ATP8A1: variants seen among roughly 807,000 people sequenced by gnomAD.
The protein encoded by ATP8A1 is ATPase phospholipid transporting 8A1.
Under a neutral mutation model 177.7 loss-of-function variants are expected in ATP8A1, and 90 were observed. That is an observed-to-expected ratio of 0.51 (90% confidence interval 0.43 to 0.60). The LOEUF (loss-of-function observed/expected upper bound fraction) is 0.60, where lower values mean the gene tolerates loss of function less well. Ranked by LOEUF, ATP8A1 falls within the 20% of genes least tolerant of loss-of-function variation. The pLI is 0.00. For missense variants in ATP8A1, 1,072 were observed against 1,392.8 expected, an observed-to-expected ratio of 0.77 and a Z score of 3.67; for synonymous variants, 493 against 485.9, an observed-to-expected ratio of 1.01 and a Z score of -0.19.
At chr4:42,633,792 G>A (rs1292710083) in intron 1 of ATP8A1, among the ~76,000 whole-genome samples, 1 of 146,572 alleles carries the variant, frequency 6.8e-6, no homozygotes, top group Non-Finnish European at 1.5e-5. Flanking sequence ...TGCTAGTGAT[G>A]CTACTATAGC....
intron 24 of ATP8A1, among the ~76,000 whole-genome samples, chr4:42,489,573 G>C (rs1276966757): frequency 6.6e-6 from 1 of 151,950 alleles, no homozygotes; most frequent in Non-Finnish European, 1.5e-5. Context: ...AACAAAAAAA[G>C]CTGCAAACAT....
intron 25 of ATP8A1, among the ~76,000 whole-genome samples, chr4:42,482,098 T>C (rs1721728178): frequency 6.6e-6 from 1 of 152,092 alleles, no homozygotes; most frequent in Non-Finnish European, 1.5e-5. Flanking sequence ...ACTCAGGAGT[T>C]TGAGATCAAC....
At chr4:42,621,991 T>C (rs1484770121) in intron 4 of ATP8A1, among the ~76,000 whole-genome samples, 1 of 152,198 alleles carries the variant, frequency 6.6e-6, no homozygotes, top group African/African-American at 2.4e-5. Context: ...AAGGAGTCCC[T>C]ATTCGATAAA....
intron 4 of ATP8A1, among the ~76,000 whole-genome samples, chr4:42,618,325 T>C (rs760953804): frequency 2.0e-5 from 3 of 152,186 alleles, no homozygotes; most frequent in Non-Finnish European, 4.4e-5. Flanking sequence ...ATTCTCTTCT[T>C]ACAACTCTTT....
At chr4:42,630,097 C>G (rs62303561) in intron 1 of ATP8A1, among the ~76,000 whole-genome samples, 36,252 of 152,016 alleles carry the variant, frequency 0.24, 4,901 homozygotes, top group Non-Finnish European at 0.31. Context: ...TTTTTTATTT[C>G]CTCTGCATAT....
At chr4:42,472,472 G>T (rs974295743) in intron 25 of ATP8A1, 17 of 315,674 alleles carry the variant, frequency 5.4e-5, no homozygotes, top group Non-Finnish European at 1.0e-4. Context: ...AATTTGGCCA[G>T]GAGCAGTGGC....
chr4:42,449,554 T>C (rs908189767), intron 30 of ATP8A1, among the ~76,000 whole-genome samples: 7 of 152,152 alleles, frequency 4.6e-5, no homozygotes, highest in African/African-American at 1.7e-4. Context: ...CCCCATCCTT[T>C]CAGAAATCAA....
chr4:42,549,158 C>A, intron 18 of ATP8A1, 96 bp from the exon 19 acceptor site: 1 of 946,588 alleles, frequency 1.1e-6, no homozygotes, highest in Non-Finnish European at 1.6e-6. Context: ...GTAAAAAATG[C>A]CAACACAAAC....
intron 24 of ATP8A1, among the ~76,000 whole-genome samples, chr4:42,495,168 C>T (rs1723138230): frequency 6.6e-6 from 1 of 152,166 alleles, no homozygotes. Flanking sequence ...ATGTTTCATT[C>T]TGTCTCTACT....
chr4:42,467,608 G>A (rs1328950104), intron 25 of ATP8A1, among the ~76,000 whole-genome samples: 2 of 152,256 alleles, frequency 1.3e-5, no homozygotes, highest in African/African-American at 2.4e-5. Flanking sequence ...CAGGAGAATC[G>A]CTTGAACCCA....
chr4:42,447,097 T>G (rs886241004), intron 30 of ATP8A1, among the ~76,000 whole-genome samples: 2 of 152,236 alleles, frequency 1.3e-5, no homozygotes, highest in Non-Finnish European at 2.9e-5. Context: ...GTTTCAGGCA[T>G]GTGGTTCTTT....
intron 11 of ATP8A1, among the ~76,000 whole-genome samples, chr4:42,579,319 G>T (rs1732781076): frequency 6.8e-6 from 1 of 147,876 alleles, no homozygotes; most frequent in Non-Finnish European, 1.5e-5. Context: ...CCACTTTTTG[G>T]TACTTTTATT....
At chr4:42,608,013 A>G (rs942740213) in intron 5 of ATP8A1, among the ~76,000 whole-genome samples, 107 of 152,334 alleles carry the variant, frequency 7.0e-4, no homozygotes, top group Non-Finnish European at 1.6e-4. Flanking sequence ...TAACAGCTTA[A>G]TTAGTCTGAC....
chr4:42,653,039 A>C (rs1433304083), intron 1 of ATP8A1, among the ~76,000 whole-genome samples: 1 of 149,618 alleles, frequency 6.7e-6, no homozygotes, highest in Admixed American at 6.7e-5. Flanking sequence ...TTTTATTAGC[A>C]GCCTAAGAGC....
At chr4:42,547,070 T>C (rs1729009421) in intron 19 of ATP8A1, among the ~76,000 whole-genome samples, 1 of 152,252 alleles carries the variant, frequency 6.6e-6, no homozygotes, top group Non-Finnish European at 1.5e-5. Context: ...TAGATTTCTC[T>C]TTTGTTTCAG....
Position 42,553,970 on chromosome 4 carries a change from T to C in ATP8A1, c.1414-1360A>G, listed in dbSNP as rs1729782504. Among the ~76,000 whole-genome samples the C allele has an allele frequency of 2.6e-5, 4 of 152,032 alleles. No homozygotes were observed. In the South Asian group the frequency reaches 8.3e-4, roughly 32 times the overall value. ...AGGTCGTAAAGAAGGAAAAAAACGA[T>C]GTGTTTTAGAAAATAAAAGGCAGCC... On this transcript the variant is annotated intron_variant, in intron 16 of 36. Transcript: ENST00000381668.
chr4:42,588,982 T>C (rs547855688), intron 7 of ATP8A1, among the ~76,000 whole-genome samples: 166 of 152,348 alleles, frequency 1.1e-3, no homozygotes, highest in African/African-American at 3.8e-3. Context: ...CGGTAAAAAC[T>C]AAAACTAAAA....
At chr4:42,498,126 A>T (rs1723468184) in intron 24 of ATP8A1, among the ~76,000 whole-genome samples, 5 of 152,212 alleles carry the variant, frequency 3.3e-5, no homozygotes, top group Admixed American at 3.3e-4. Context: ...GCAATACAAA[A>T]TATATTGTAT....
chr4:42,427,309 G>C (rs114311102), intron 33 of ATP8A1, among the ~76,000 whole-genome samples: 6 of 152,268 alleles, frequency 3.9e-5, no homozygotes, highest in Non-Finnish European at 8.8e-5. Flanking sequence ...CAGAAAAATA[G>C]CCCATTTATC....
Sources: gnomAD v4.1 joint callset for allele counts (sites outside exome capture counted in the v4.1 genomes callset) on GRCh38, gnomAD v4.1.1 for gene constraint, MANE v1.5 for transcripts, NCBI Gene and HGNC (gene_info 2026-07-23, HGNC 2026-07-21) for gene names.